Variants in CKB observed in about 807,000 individuals in gnomAD.
The protein encoded by CKB is creatine kinase B.
CKB carries 15 observed loss-of-function variants against 36.9 expected under a neutral mutation model. The ratio of observed to expected loss-of-function variants is 0.41; its 90% CI spans 0.27 to 0.63. The LOEUF (loss-of-function observed/expected upper bound fraction) is 0.63, where lower values mean the gene tolerates loss of function less well. CKB is among the 20% of genes least tolerant of loss of function. The pLI, the probability that CKB is intolerant of heterozygous loss-of-function variation, is 0.34. For synonymous variants in CKB, 250 were observed against 228.2 expected (o/e 1.10, Z -0.86); for missense variants, 413 against 534.9 (o/e 0.77, Z 2.25).
Position 103,520,581 on chromosome 14 carries a change from T to C in CKB, c.665A>G (p.Asn222Ser), listed in dbSNP as rs2075893461. Residue 222 changes from asparagine (N) to serine (S), a missense_variant, in exon 6 of 8, where the codon AAT becomes AGT. Transcript: ENST00000348956. The part of the protein sequence containing the change: ...PDARGIWHND[N>S]KTFLVWVNEE... ...GTTGACCCACACCAGGAAGGTCTTA[T>C]TGTCATTGTGCCTGCGGGAGGGCTG... 1.9e-6 allele frequency: 3 copies of C among 1,612,712 alleles called. No individual in the cohort carries two copies. Among genetic ancestry groups the C allele is most frequent in the Non-Finnish European group, 1.7e-6 (2 of 1,179,612 alleles).
Position 103,522,409 on chromosome 14 carries a change from G to T in CKB, c.85C>A (p.His29Asn). Residue 29 changes from histidine (H) to asparagine (N), a missense_variant, in exon 2 of 8, where the codon CAC becomes AAC. Transcript: ENST00000348956. The surrounding 1 kb of genome is among the most constrained non-coding windows in gnomAD (Gnocchi z 6.7). Reference sequence around the variant, plus strand: ...TCGGGGGTCAGCACCTTGGCCATGTGGTTGTTGTGGGCGCTCAGGTCGGGG... The same window carrying T: ...TCGGGGGTCAGCACCTTGGCCATGTTGTTGTTGTGGGCGCTCAGGTCGGGG... ...EFPDLSAHNN[H>N]MAKVLTPELY... 6.2e-7 allele frequency: 1 copy of T among 1,610,132 alleles called. No individual in the cohort carries two copies. Among genetic ancestry groups the T allele is most frequent in the East Asian group, 2.2e-5 (1 of 44,502 alleles).
chr14:103,520,685 C>A (rs1276257735), intron 5 of CKB, 93 bp from the exon 6 acceptor site: 1 of 1,462,836 alleles, frequency 6.8e-7, no homozygotes, highest in Non-Finnish European at 9.1e-7. Context: ...GGTGCTGCTC[C>A]CTGCCATGCC....
chr14:103,519,808 C>CT lies in CKB; in HGVS notation c.*55dup. On this transcript the variant is annotated 3_prime_UTR_variant, in exon 8 of 8. Coordinates refer to ENST00000348956, the MANE Select transcript of CKB (RefSeq NM_001823.5). Reference sequence around the variant, plus strand: ...GAACATCAGGGGTGCATGGTGGGCACTGCCCAGGCAATAAGTTAGGAAGCA... The same window carrying CT: ...GAACATCAGGGGTGCATGGTGGGCACTTGCCCAGGCAATAAGTTAGGAAGCA... 1 of 1,544,488 alleles carries CT rather than the reference C, an allele frequency of 6.5e-7. No homozygotes were observed. Among genetic ancestry groups the CT allele is most frequent in the South Asian group, 1.2e-5 (1 of 81,972 alleles).
Position 103,522,344 on chromosome 14 carries a change from G to A in CKB, c.150C>T (p.Gly50=). 1.2e-6 allele frequency: 2 copies of A among 1,610,508 alleles called. No individual in the cohort carries two copies. The highest frequency in any genetic ancestry group is 1.3e-5 in the African/African-American group (1 of 74,832). Residue 50 remains glycine (G), a synonymous_variant, in exon 2 of 8, where the codon GGC becomes GGT. Transcript: ENST00000348956. This position sits in a 1 kb window ranked among gnomAD's most constrained non-coding sequence, Gnocchi z 6.7. ...AELRAKSTPS[G]FTLDDVIQTG... is the part of the protein sequence containing the mutation. Reference sequence around the variant, plus strand: ...TCTGGATGACGTCGTCCAGCGTGAAGCCGCTCGGCGTGCTCTTGGCGCGCA... The same window carrying A: ...TCTGGATGACGTCGTCCAGCGTGAAACCGCTCGGCGTGCTCTTGGCGCGCA...
At chr14:103,520,964 C>T in intron 5 of CKB, 1 of 566,180 alleles carries the variant, frequency 1.8e-6, no homozygotes. Context: ...GCTCCCAGGG[C>T]CGTCGGGGAG....
rs944129155 is a variant in CKB, at chr14:103,520,484, G to A, written c.762C>T (p.Cys254=). 2.5e-6 allele frequency: 4 copies of A among 1,602,462 alleles called. No individual in the cohort carries two copies. The African/African-American group carries it at 5.4e-5, about 21-fold the overall frequency. The change falls in exon 6 of 8, where the codon TGC becomes TGT. Residue 254 remains cysteine, a synonymous_variant. Transcript: ENST00000348956. ...GNMKEVFTRF[C]TGLTQIETLF... is the part of the protein sequence containing the mutation. ...TCCCTGGCACCTGGGTGAGGCCGGT[G>A]CAGAAGCGGGTGAACACCTCCTTCA...
chr14:103,519,914 G>T lies in CKB; in HGVS notation c.1096C>A (p.Arg366=). 4 of 1,608,934 alleles carry T rather than the reference G, an allele frequency of 2.5e-6. No individual in the cohort carries two copies. Among genetic ancestry groups the T allele is most frequent in the Non-Finnish European group, 3.4e-6 (4 of 1,179,956 alleles). Residue 366 remains arginine (R), a synonymous_variant, in exon 8 of 8, where the codon CGG becomes AGG. Transcript: ENST00000348956. ...TCGATGGCCTGGCCCTGCTCCAGCCGCTGCTCCATCTCGATGAGCAGCTTC... is the reference window on the plus strand; with the variant it reads ...TCGATGGCCTGGCCCTGCTCCAGCCTCTGCTCCATCTCGATGAGCAGCTTC... ...GVKLLIEMEQ[R]LEQGQAIDDL... is the part of the protein sequence containing the mutation.
chr14:103,521,406 C>T lies in CKB; in HGVS notation c.510G>A (p.Ala170=), dbSNP rs2075899929. The T allele has an allele frequency of 1.2e-6, 2 of 1,603,938 alleles. No homozygotes were observed. Among genetic ancestry groups the T allele is most frequent in the Admixed American group, 1.7e-5 (1 of 59,868 alleles). Residue 170 remains alanine, a synonymous_variant, in exon 5 of 8, where the codon GCG becomes GCA. Transcript: ENST00000348956. ...TGCTCTTGAGCGCGTAGTATCGGCC[C>T]GCCAGGTCGCCGTCCAGGCTGGACA... ...EALSSLDGDL[A]GRYYALKSMT... is the part of the protein sequence containing the mutation.
In CKB at chr14:103,520,556, G is replaced by A. The variant is rs199734997; in HGVS notation, c.690C>T (p.Asn230=). 6.8e-6 allele frequency: 11 copies of A among 1,613,014 alleles called. No individual in the cohort carries two copies. In the East Asian group the frequency reaches 2.2e-4, roughly 33 times the overall value. The change falls in exon 6 of 8, where the codon AAC becomes AAT. Residue 230 remains asparagine (N), a synonymous_variant. Coordinates refer to ENST00000348956, the MANE Select transcript of CKB (RefSeq NM_001823.5). ...NDNKTFLVWV[N]EEDHLRVISM... ...AGATGACCCGCAGGTGGTCCTCCTC[G>A]TTGACCCACACCAGGAAGGTCTTAT...
rs1349161295 is a variant in CKB at position 103,521,333 on chromosome 14, C to T, written c.583G>A (p.Asp195Asn). ...AGCAGCAGGGGCGACACGGGCTTGT[C>T]GAAGAGGAAGTGGTCGTCGATGAGC... ...QQLIDDHFLFDKPVSPLLLAS... is the reference protein window; with the variant it reads ...QQLIDDHFLFNKPVSPLLLAS... Residue 195 changes from aspartate (D) to asparagine (N), a missense_variant, in exon 5 of 8, where the codon GAC becomes AAC. Transcript: ENST00000348956. 1.9e-6 allele frequency: 3 copies of T among 1,609,388 alleles called. No homozygotes were observed. Among genetic ancestry groups the T allele is most frequent in the Admixed American group, 1.7e-5 (1 of 59,876 alleles).
chr14:103,519,711 G>A lies in CKB; in HGVS notation c.*153C>T. 1 of 819,324 alleles carries A rather than the reference G, an allele frequency of 1.2e-6. No homozygotes were observed. The allele number at this position is 819,324 out of a possible 1,614,324, so 50.8% of individuals were successfully genotyped here. A position where few individuals can be genotyped will look rare whatever the true frequency, so the allele number is the denominator to read the frequency against. ...TTATTTCAGCATCAGCAGTATCTTA[G>A]CCATCAAAAAAATAAACTCTACCAA... On this transcript the variant is annotated 3_prime_UTR_variant, in exon 8 of 8. Coordinates refer to ENST00000348956, the MANE Select transcript of CKB (RefSeq NM_001823.5).
rs1206557899 is a variant in CKB, at chr14:103,522,006, C to G, written c.348+17G>C. ...AGACCCCGGCCCCGCCCGCCCGGCC[C>G]GCCCGCAGCCCCGCACCTGCAGGTT... On this transcript the variant is annotated intron_variant, in intron 3 of 7. Transcript: ENST00000348956. The surrounding 1 kb of genome is among the most constrained non-coding windows in gnomAD (Gnocchi z 6.7). 2 of 1,544,338 alleles carry G rather than the reference C, an allele frequency of 1.3e-6. No homozygotes were observed. The highest frequency in any genetic ancestry group is 1.7e-6 in the Non-Finnish European group (2 of 1,144,984).
In CKB at chr14:103,522,499, C is replaced by T; in HGVS notation, c.-6G>A. 7.1e-7 allele frequency: 1 copy of T among 1,406,964 alleles called. No individual in the cohort carries two copies. The highest frequency in any genetic ancestry group is 9.5e-7 in the Non-Finnish European group (1 of 1,056,148). 87.2% of individuals were successfully genotyped at this position (1,406,964 alleles called of 1,614,324 possible). ...TGGCTGTTGGAGAAGGGCATGGCGG[C>T]GGCGGGCTGCGGGGAGACGCGGGGT... On this transcript the variant is annotated 5_prime_UTR_variant, in exon 2 of 8. Transcript: ENST00000348956. The surrounding 1 kb of genome is among the most constrained non-coding windows in gnomAD (Gnocchi z 6.7).
Position 103,522,183 on chromosome 14 carries a change from G to C in CKB, c.194-6C>G. ...GGTCATGATGTACGGGTGGCCTGGG[G>C]GAGGGGGCGCGGGACGGGGACAGTG... is the stretch of plus-strand genomic sequence containing the variant. On this transcript the variant is annotated splice_region_variant and splice_polypyrimidine_tract_variant and intron_variant, in intron 2 of 7. Transcript: ENST00000348956. This position sits in a 1 kb window ranked among gnomAD's most constrained non-coding sequence, Gnocchi z 6.7. 1 of 1,602,412 alleles carries C rather than the reference G, an allele frequency of 6.2e-7. No individual in the cohort carries two copies. Among genetic ancestry groups the C allele is most frequent in the Non-Finnish European group, 8.5e-7 (1 of 1,175,240 alleles).
chr14:103,519,832 C>A lies in CKB; in HGVS notation c.*32G>T. ...ACTGCCCAGGCAATAAGTTAGGAAG[C>A]AGCAGGGCTGGTGTCGGGTGTGGGC... On this transcript the variant is annotated 3_prime_UTR_variant, in exon 8 of 8. Coordinates refer to ENST00000348956, the MANE Select transcript of CKB (RefSeq NM_001823.5). 1 of 1,570,526 alleles carries A rather than the reference C, an allele frequency of 6.4e-7. No individual in the cohort carries two copies. Among genetic ancestry groups the A allele is most frequent in the South Asian group, 1.2e-5 (1 of 85,736 alleles).
chr14:103,519,947 C>A lies in CKB; in HGVS notation c.1063G>T (p.Asp355Tyr). ...SEVELVQMVV[D>Y]GVKLLIEMEQ... is the part of the protein sequence containing the mutation. ...ATCTCGATGAGCAGCTTCACTCCGT[C>A]CACCACCATCTGCACCAGCTCCACC... is the stretch of plus-strand genomic sequence containing the variant. Residue 355 changes from aspartate (D) to tyrosine (Y), a missense_variant, in exon 8 of 8, where the codon GAC becomes TAC. By Grantham distance (160) the Asp-to-Tyr change is radical. This residue lies in a region of CKB where 314 missense variants were observed against 409.4 expected (regional missense o/e 0.77). Transcript: ENST00000348956. 6.2e-7 allele frequency: 1 copy of A among 1,610,550 alleles called. No homozygotes were observed. The highest frequency in any genetic ancestry group is 8.5e-7 in the Non-Finnish European group (1 of 1,179,870).
At chr14:103,521,241 G>C in intron 5 of CKB, 22 bp downstream of exon 5, 3 of 1,567,584 alleles carry the variant, frequency 1.9e-6, no homozygotes, top group South Asian at 1.1e-5. Flanking sequence ...GACGCCGCGA[G>C]AGGGCGCAGA....
In CKB at chr14:103,519,708, T is replaced by C; in HGVS notation, c.*156A>G. On this transcript the variant is annotated 3_prime_UTR_variant, in exon 8 of 8. Coordinates refer to ENST00000348956, the MANE Select transcript of CKB (RefSeq NM_001823.5). ...AGTTTATTTCAGCATCAGCAGTATC[T>C]TAGCCATCAAAAAAATAAACTCTAC... 4 of 804,642 alleles carry C rather than the reference T, an allele frequency of 5.0e-6. No individual in the cohort carries two copies. Among genetic ancestry groups the C allele is most frequent in the Non-Finnish European group, 7.6e-6 (4 of 527,820 alleles). The allele number at this position is 804,642 out of a possible 1,614,324, so 49.8% of individuals were successfully genotyped here.
chr14:103,521,226 G>A, intron 5 of CKB, 37 bp downstream of exon 5: 1 of 1,547,864 alleles, frequency 6.5e-7, no homozygotes. Context: ...GTAGCGGGGA[G>A]GGAGGACGCC....
Sources: allele counts gnomAD v4.1 joint callset, GRCh38; gene constraint gnomAD v4.1.1; regional missense constraint gnomAD v4.1.1; non-coding constraint Gnocchi (gnomAD v3.1); transcripts MANE v1.5; gene names NCBI Gene and HGNC (gene_info 2026-07-23, HGNC 2026-07-21).